Variants in PARP4 observed in about 807,000 individuals in gnomAD.
PARP4 encodes poly(ADP-ribose) polymerase family member 4.
In PARP4, 120 loss-of-function variants were observed where a neutral mutation model predicts 187.7. That is an observed-to-expected ratio of 0.64 (90% CI 0.55 to 0.74). The LOEUF (loss-of-function observed/expected upper bound fraction) is 0.74. PARP4 is among the 30% of genes least tolerant of loss of function. The pLI is 0.00. For synonymous variants in PARP4, 654 were observed against 740.9 expected (o/e 0.88, Z 1.90); for missense variants, 1,836 against 2,070.5 (o/e 0.89, Z 2.20).
chr13:24,451,218 G>A (rs1871500844), intron 24 of PARP4, among the ~76,000 whole-genome samples: 1 of 152,248 alleles, frequency 6.6e-6, no homozygotes, highest in Non-Finnish European at 1.5e-5. Flanking sequence ...GCAGGGAGGG[G>A]CTGCTGAGAC....
At chr13:24,464,501 A>G (rs1437283430) in intron 17 of PARP4, among the ~76,000 whole-genome samples, 1 of 152,186 alleles carries the variant, frequency 6.6e-6, no homozygotes, top group Non-Finnish European at 1.5e-5. Flanking sequence ...CCACACATCT[A>G]CAACTGTCTG....
intron 15 of PARP4, among the ~76,000 whole-genome samples, chr13:24,471,787 A>C (rs1312191748): frequency 5.3e-5 from 8 of 152,214 alleles, no homozygotes; most frequent in Non-Finnish European, 1.2e-4. Flanking sequence ...CATGGAGGAC[A>C]CACGCCTCTC....
chr13:24,472,659 C>A (rs1290004010), intron 15 of PARP4, among the ~76,000 whole-genome samples: 1 of 152,162 alleles, frequency 6.6e-6, no homozygotes, highest in African/African-American at 2.4e-5. Flanking sequence ...TCTACCACTG[C>A]ATCTGGCCAC....
intron 32 of PARP4, among the ~76,000 whole-genome samples, chr13:24,428,330 G>A (rs185604783): frequency 6.6e-6 from 1 of 152,184 alleles, no homozygotes; most frequent in Non-Finnish European, 1.5e-5. Context: ...AAACCCTGCT[G>A]TGCAGCAGGC....
intron 15 of PARP4, 108 bp downstream of exon 15, chr13:24,475,364 C>A (rs1207454578): frequency 1.6e-5 from 17 of 1,083,362 alleles, no homozygotes; most frequent in Non-Finnish European, 2.3e-5. Context: ...GAATAAAATA[C>A]ATTTTAGAAA....
Position 24,447,055 on chromosome 13 carries a change from A to G in PARP4, c.3246T>C (p.Asp1082=). The part of the protein sequence containing the change: ...PAQVPSLFLN[D]RLLVYGFIPH... ...GAATGAATCCATAGACAAGGAGTCG[A>G]TCATTGAGAAACAAGGACGGCACCT... Residue 1082 remains aspartate (D), a synonymous_variant, in exon 26 of 34, where the codon GAT becomes GAC. Transcript: ENST00000381989. The G allele has an allele frequency of 6.2e-7, 1 of 1,607,324 alleles. No individual in the cohort carries two copies. The highest frequency in any genetic ancestry group is 8.5e-7 in the Non-Finnish European group (1 of 1,176,364).
At chr13:24,440,575 G>A (rs918103193) in intron 30 of PARP4, among the ~76,000 whole-genome samples, 8 of 152,082 alleles carry the variant, frequency 5.3e-5, no homozygotes, top group Admixed American at 2.0e-4. Flanking sequence ...GGAGCTAGAC[G>A]TGTTGGAATG....
intron 30 of PARP4, 92 bp from the exon 31 acceptor site, chr13:24,435,566 C>T (rs1870592952): frequency 1.5e-6 from 2 of 1,324,986 alleles, no homozygotes; most frequent in Admixed American, 4.6e-5. Context: ...TGACTTCCCA[C>T]CCATCAGGCA....
intron 1 of PARP4, among the ~76,000 whole-genome samples, chr13:24,510,958 G>C (rs1315568002): frequency 7.2e-6 from 1 of 138,830 alleles, no homozygotes; most frequent in Non-Finnish European, 1.6e-5. Flanking sequence ...ACCATGCCCA[G>C]CTAATTTTGG....
intron 25 of PARP4, among the ~76,000 whole-genome samples, chr13:24,447,778 G>A (rs938283302): frequency 6.6e-6 from 1 of 152,210 alleles, no homozygotes; most frequent in Non-Finnish European, 1.5e-5. Flanking sequence ...TACTTGAATA[G>A]ATATTTCTCC....
intron 6 of PARP4, among the ~76,000 whole-genome samples, chr13:24,495,579 T>C (rs7330766): frequency 0.52 from 79,027 of 151,912 alleles, 20,765 homozygotes; most frequent in South Asian, 0.66. Flanking sequence ...AACTCCTGCC[T>C]CTGTAGTAGG....
Position 24,469,035 on chromosome 13 carries a change from G to C in PARP4, c.2122C>G (p.Gln708Glu). Residue 708 changes from glutamine (Q) to glutamate (E), a missense_variant, in exon 17 of 34, where the codon CAG (glutamine) becomes GAG (glutamate). By Grantham distance (29) the Gln-to-Glu change is conservative. Transcript: ENST00000381989. ...ACACCAAGCCATACCGGAGCATCCT[G>C]ACTCATCAGGTAAGCGCCATGGCCC... ...TQGHGAYLMSQDAPDVFTVSV... is the reference protein window; with the variant it reads ...TQGHGAYLMSEDAPDVFTVSV... 1 of 1,612,302 alleles carries C rather than the reference G, an allele frequency of 6.2e-7. No individual in the cohort carries two copies. The highest frequency in any genetic ancestry group is 8.5e-7 in the Non-Finnish European group (1 of 1,178,328).
chr13:24,482,994 G>GT (rs1438094339), intron 12 of PARP4, among the ~76,000 whole-genome samples: 1 of 151,808 alleles, frequency 6.6e-6, no homozygotes. Context: ...CCAGTGTTCT[G>GT]TTACTACAGT....
At chr13:24,504,897 G>A (rs560046631) in intron 1 of PARP4, among the ~76,000 whole-genome samples, 15 of 150,964 alleles carry the variant, frequency 9.9e-5, no homozygotes, top group Admixed American at 2.7e-4. Flanking sequence ...GTTTTACCAT[G>A]TTGGCCAGGC....
At position 24,494,560 on chromosome 13, in the gene PARP4, A is replaced by C. The variant is rs374186810; in HGVS notation, c.741+13T>G. ...ATTCAATCAACAACAAAAAAATTAT[A>C]AATCAATCTCACTGCTTGCAATTGT... On this transcript the variant is annotated intron_variant, in intron 7 of 33. Transcript: ENST00000381989. The C allele has an allele frequency of 1.4e-5, 22 of 1,594,310 alleles. No individual in the cohort carries two copies. Among genetic ancestry groups the C allele is most frequent in the Non-Finnish European group, 1.9e-5 (22 of 1,172,072 alleles).
Position 24,450,538 on chromosome 13 carries a change from A to G in PARP4, c.3015-721T>C, listed in dbSNP as rs181391270. Reference sequence around the variant, plus strand: ...TAACATTGACTAGAAGATCCCTAACATGGGTTATTGGTAGTTACAGCTTCT... The same window carrying G: ...TAACATTGACTAGAAGATCCCTAACGTGGGTTATTGGTAGTTACAGCTTCT... On this transcript the variant is annotated intron_variant, in intron 24 of 33. Transcript: ENST00000381989. Among the ~76,000 whole-genome samples the G allele has an allele frequency of 1.7e-3, 259 of 152,256 alleles. 1 individual carries two copies. The highest frequency in any genetic ancestry group is 1.8e-4 in the Non-Finnish European group (12 of 68,008).
In PARP4 at chr13:24,455,152, T is replaced by C. The variant is rs1202852139; in HGVS notation, c.2623A>G (p.Ser875Gly). 3.1e-6 allele frequency: 5 copies of C among 1,611,976 alleles called. No homozygotes were observed. The South Asian group carries it at 5.5e-5, about 18-fold the overall frequency. The part of the protein sequence containing the change: ...DVDLPDLASE[S>G]EVIICLDCSS... ...CAGTCAAGACAAATAATCACTTCGC[T>C]CTCACTGGCTAGGTCAGGGAGGTCG... is the stretch of plus-strand genomic sequence containing the variant. Residue 875 changes from serine to glycine, a missense_variant, in exon 22 of 34, where the codon AGC (serine) becomes GGC (glycine). Coordinates refer to ENST00000381989, the MANE Select transcript of PARP4 (RefSeq NM_006437.4).
Position 24,431,489 on chromosome 13 carries a change from G to T in PARP4, c.4747-13C>A. 2 of 1,503,546 alleles carry T rather than the reference G, an allele frequency of 1.3e-6. No homozygotes were observed. Among genetic ancestry groups the T allele is most frequent in the South Asian group, 1.2e-5 (1 of 84,112 alleles). 93.1% of individuals were successfully genotyped at this position (1,503,546 alleles called of 1,614,324 possible). A position where few individuals can be genotyped will look rare whatever the true frequency, so the allele number is the denominator to read the frequency against. On this transcript the variant is annotated splice_polypyrimidine_tract_variant and intron_variant, in intron 31 of 33. Transcript: ENST00000381989. ...TCCAGAAGCCATCCTACAAAATTAAGGAAACAAAAATAAGTTATGTTATTC... is the reference window on the plus strand; with the variant it reads ...TCCAGAAGCCATCCTACAAAATTAATGAAACAAAAATAAGTTATGTTATTC...
At chr13:24,492,081 C>G (rs1311034681) in intron 9 of PARP4, among the ~76,000 whole-genome samples, 3 of 152,202 alleles carry the variant, frequency 2.0e-5, no homozygotes, top group Non-Finnish European at 4.4e-5. Context: ...TTCTTATTGT[C>G]TGAGAACGTA....
Sources: gnomAD v4.1 joint callset for allele counts (sites outside exome capture counted in the v4.1 genomes callset) on GRCh38, gnomAD v4.1.1 for gene constraint, MANE v1.5 for transcripts, NCBI Gene and HGNC (gene_info 2026-07-23, HGNC 2026-07-21) for gene names.